Variants in KDM5A observed in about 807,000 individuals in gnomAD.
KDM5A encodes lysine-specific demethylase 5A.
Under a neutral mutation model 193.5 loss-of-function variants are expected in KDM5A, and 42 were observed. The observed-to-expected ratio is 0.22, with a 90% CI of 0.17 to 0.28. The LOEUF (loss-of-function observed/expected upper bound fraction) is 0.28. Among genes scored for constraint, KDM5A ranks in the 10% least tolerant of loss-of-function variants. The pLI, the probability that KDM5A is intolerant of heterozygous loss-of-function variation, is 1.00. For missense variants in KDM5A, 1,692 were observed against 2,055.1 expected, an observed-to-expected ratio of 0.82 and a Z score of 3.42; for synonymous variants, 796 against 718.1, an observed-to-expected ratio of 1.11 and a Z score of -1.73.
At chr12:306,849 C>T in intron 24 of KDM5A, 97 bp downstream of exon 24, 1 of 1,183,928 alleles carries the variant, frequency 8.4e-7, no homozygotes, top group East Asian at 2.3e-5. Flanking sequence ...TTCTCTTTCA[C>T]TTTCAGGCCT....
At chr12:379,127 C>T (rs1325785731) in intron 3 of KDM5A, among the ~76,000 whole-genome samples, 1 of 151,966 alleles carries the variant, frequency 6.6e-6, no homozygotes, top group East Asian at 1.9e-4. Context: ...TGAAAATTTG[C>T]TTCCCATCAA....
intron 20 of KDM5A, among the ~76,000 whole-genome samples, chr12:312,410 T>G (rs2137396253): frequency 6.6e-6 from 1 of 152,328 alleles, no homozygotes; most frequent in Middle Eastern, 3.4e-3. Context: ...CATTTTATTT[T>G]TCTGCCTCTA....
At chr12:383,152 A>G (rs1944595746) in intron 3 of KDM5A, among the ~76,000 whole-genome samples, 1 of 152,168 alleles carries the variant, frequency 6.6e-6, no homozygotes, top group African/African-American at 2.4e-5. Flanking sequence ...ACGTATTAAC[A>G]AAACTAATAT....
At chr12:287,497 C>T (rs1446015400) in intron 27 of KDM5A, among the ~76,000 whole-genome samples, 1 of 121,838 alleles carries the variant, frequency 8.2e-6, no homozygotes, top group African/African-American at 3.1e-5. Flanking sequence ...AATCAGAGAC[C>T]AAAAAAAAAA....
chr12:385,097 C>T lies in KDM5A; in HGVS notation c.243+800G>A, dbSNP rs561998815. Among the ~76,000 whole-genome samples the T allele has an allele frequency of 4.0e-5, 6 of 150,952 alleles. No individual in the cohort carries two copies. In the South Asian group the frequency reaches 8.3e-4, roughly 21 times the overall value. On this transcript the variant is annotated intron_variant, in intron 2 of 27. Transcript: ENST00000399788. ...ACTAGGGAGGCTAAGGCAGGAGAAT[C>T]GCTTGAACCCGGGAGGTAGAGGTTG...
At chr12:333,418 CA>C (rs368831699) in intron 12 of KDM5A, 68 bp downstream of exon 12, 434 of 1,506,044 alleles carry the variant, frequency 2.9e-4, no homozygotes, top group Non-Finnish European at 3.1e-4. Context: ...GACCCTGTTT[CA>C]AAAAAAAAGA....
At position 331,856 on chromosome 12, in the gene KDM5A, T is replaced by C. The variant is rs1943870152; in HGVS notation, c.1736A>G (p.Asn579Ser). The change falls in exon 13 of 28, where the codon AAC becomes AGC. Residue 579 changes from asparagine (N) to serine (S), a missense_variant. Transcript: ENST00000399788. Reference protein sequence around the residue: ...AYHSGFNQGYNFAEAVNFCTA... With the variant: ...AYHSGFNQGYSFAEAVNFCTA... ...ACAGAAGTTCACAGCTTCAGCAAAG[T>C]TGTAGCCCTGGTTAAATCCAGAGTG... The C allele has an allele frequency of 6.2e-7, 1 of 1,614,008 alleles. No individual in the cohort carries two copies. The highest frequency in any genetic ancestry group is 8.5e-7 in the Non-Finnish European group (1 of 1,179,924).
At chr12:304,316 A>C (rs1943477976) in intron 24 of KDM5A, among the ~76,000 whole-genome samples, 1 of 152,188 alleles carries the variant, frequency 6.6e-6, no homozygotes, top group African/African-American at 2.4e-5. Flanking sequence ...TTAAGTTATG[A>C]ATTTATGGTC....
intron 18 of KDM5A, among the ~76,000 whole-genome samples, chr12:319,412 T>A (rs1591911087): frequency 6.6e-6 from 1 of 152,304 alleles, no homozygotes; most frequent in African/African-American, 2.4e-5. Flanking sequence ...GTTTAAATAT[T>A]GAACACGGGG....
At chr12:346,688 C>T (rs1944081401) in intron 10 of KDM5A, among the ~76,000 whole-genome samples, 1 of 152,174 alleles carries the variant, frequency 6.6e-6, no homozygotes, top group South Asian at 2.1e-4. Context: ...TCAATAGATG[C>T]AGAAAAGGCC....
At chr12:294,148 T>C (rs898706050) in intron 26 of KDM5A, among the ~76,000 whole-genome samples, 2 of 152,216 alleles carry the variant, frequency 1.3e-5, no homozygotes, top group Non-Finnish European at 2.9e-5. Flanking sequence ...TATAGTGACT[T>C]TGCCAAGGGC....
chr12:350,267 T>C (rs1340646219), intron 10 of KDM5A, among the ~76,000 whole-genome samples: 1 of 151,794 alleles, frequency 6.6e-6, no homozygotes, highest in Non-Finnish European at 1.5e-5. Context: ...TGAAACCCTG[T>C]CTCTACAAAA....
rs757968807 is a variant in KDM5A at position 307,761 on chromosome 12, A to C, written c.3623T>G (p.Val1208Gly). The change falls in exon 23 of 28, where the codon GTA becomes GGA. Residue 1208 changes from valine to glycine, a missense_variant. Physicochemically the swap from Val to Gly is moderately radical, Grantham distance 109. Coordinates refer to ENST00000399788, the MANE Select transcript of KDM5A (RefSeq NM_001042603.3). The surrounding 1 kb of genome is among the most constrained non-coding windows in gnomAD (Gnocchi z 4.3). ...KKGSSWQAKE[V>G]KFLCPLCMRS... ...CATACAAAGAGGGCAAAGGAATTTT[A>C]CTTCTTTAGCTTGCCAGCTGGATCC... The C allele has an allele frequency of 6.2e-7, 1 of 1,614,068 alleles. No individual in the cohort carries two copies. Among genetic ancestry groups the C allele is most frequent in the South Asian group, 1.1e-5 (1 of 91,080 alleles).
chr12:326,105 A>G (rs1186886537), intron 14 of KDM5A, among the ~76,000 whole-genome samples: 1 of 152,244 alleles, frequency 6.6e-6, no homozygotes, highest in Non-Finnish European at 1.5e-5. Flanking sequence ...ATTAGGAAAG[A>G]AAAGTGGTTT....
chr12:376,162 T>A (rs1944501437), intron 3 of KDM5A, among the ~76,000 whole-genome samples: 1 of 152,140 alleles, frequency 6.6e-6, no homozygotes, highest in Admixed American at 6.5e-5. Flanking sequence ...TGTTTGGCCA[T>A]GCCCTGCCCC....
chr12:327,116 A>G (rs1488622847), intron 14 of KDM5A, among the ~76,000 whole-genome samples: 2 of 152,172 alleles, frequency 1.3e-5, no homozygotes, highest in Non-Finnish European at 2.9e-5. Context: ...GGGATAAGTA[A>G]CTGGAACAAG....
At chr12:356,598 A>G (rs1241283333) in intron 5 of KDM5A, 61 bp from the exon 6 acceptor site, 9 of 1,104,590 alleles carry the variant, frequency 8.1e-6, no homozygotes, top group Non-Finnish European at 1.1e-5. Flanking sequence ...TAATTTTTTT[A>G]CCCAAGGAAA....
intron 26 of KDM5A, among the ~76,000 whole-genome samples, chr12:293,913 T>C (rs917871347): frequency 3.3e-5 from 5 of 151,600 alleles, no homozygotes; most frequent in African/African-American, 1.2e-4. Context: ...TAACTTATAC[T>C]AGCTTACTAG....
chr12:310,626 C>T (rs1943571994), intron 21 of KDM5A, among the ~76,000 whole-genome samples: 1 of 152,016 alleles, frequency 6.6e-6, no homozygotes, highest in African/African-American at 2.4e-5. Context: ...AGGGCAAGAC[C>T]CTGTCTCAAA....
Sources: gnomAD v4.1 joint callset for allele counts (sites outside exome capture counted in the v4.1 genomes callset) on GRCh38, gnomAD v4.1.1 for gene constraint, Gnocchi (gnomAD v3.1) non-coding constraint, MANE v1.5 for transcripts, NCBI Gene and HGNC (gene_info 2026-07-23, HGNC 2026-07-21) for gene names.